Variants in TSHR observed in about 807,000 individuals in gnomAD.
The protein encoded by TSHR is thyroid stimulating hormone receptor, also known as thyrotropin receptor.
A neutral mutation model predicts 64.1 loss-of-function variants in TSHR; 51 were observed. That is an observed-to-expected ratio of 0.80 (90% CI 0.64 to 1.01). TSHR has a LOEUF of 1.01. Ranked by LOEUF, TSHR falls within the 50% of genes least tolerant of loss-of-function variation. The pLI, the probability that TSHR is intolerant of heterozygous loss-of-function variation, is 0.00. For missense variants in TSHR, 877 were observed against 942.8 expected (o/e 0.93, Z 0.91); for synonymous variants, 361 against 361.9 (o/e 1.00, Z 0.03).
At chr14:81,009,092 T>C (rs532555719) in intron 1 of TSHR, among the ~76,000 whole-genome samples, 2 of 152,360 alleles carry the variant, frequency 1.3e-5, no homozygotes, top group South Asian at 4.1e-4. Context: ...CAGCTAATAA[T>C]CGCTTCAGTA....
intron 1 of TSHR, among the ~76,000 whole-genome samples, chr14:81,038,005 C>T (rs1052189719): frequency 6.6e-6 from 1 of 151,332 alleles, no homozygotes; most frequent in Admixed American, 6.6e-5. Context: ...CAGAACATTT[C>T]ACCCACCAGC....
At chr14:81,063,858 T>C (rs17546166) in intron 2 of TSHR, among the ~76,000 whole-genome samples, 8,554 of 151,136 alleles carry the variant, frequency 0.057, 317 homozygotes, top group Middle Eastern at 0.11. Context: ...GAAGACTTCC[T>C]GAAAAAAAAA....
chr14:81,114,593 A>G (rs1890397941), intron 8 of TSHR, among the ~76,000 whole-genome samples: 1 of 152,118 alleles, frequency 6.6e-6, no homozygotes, highest in African/African-American at 2.4e-5. Context: ...GGCGGCAGCG[A>G]GGCTGGGGGA....
intron 1 of TSHR, chr14:80,982,325 C>G: frequency 8.5e-7 from 1 of 1,171,648 alleles, no homozygotes. Context: ...TGGGTCTGGG[C>G]TGAGGAAGAG....
At chr14:81,058,798 T>C (rs1833617767) in intron 1 of TSHR, among the ~76,000 whole-genome samples, 1 of 152,320 alleles carries the variant, frequency 6.6e-6, no homozygotes, top group Non-Finnish European at 1.5e-5. Flanking sequence ...AAATAAAATA[T>C]TTCTATAAAA....
At chr14:80,971,755 ACCTTGTAT>A (rs1472819856) in intron 1 of TSHR, among the ~76,000 whole-genome samples, 2 of 152,130 alleles carry the variant, frequency 1.3e-5, no homozygotes, top group African/African-American at 4.8e-5. Context: ...ATAAGCTCAA[ACCTTGTAT>A]CCAATGATCT....
intron 3 of TSHR, among the ~76,000 whole-genome samples, chr14:81,086,029 G>C (rs759492673): frequency 2.6e-5 from 4 of 152,188 alleles, no homozygotes; most frequent in African/African-American, 7.2e-5. Flanking sequence ...TGTATAAAGA[G>C]GATCTTTCCA....
intron 3 of TSHR, among the ~76,000 whole-genome samples, chr14:81,076,584 C>A (rs1887519649): frequency 2.0e-5 from 3 of 152,084 alleles, no homozygotes; most frequent in Non-Finnish European, 4.4e-5. Flanking sequence ...CTTCCTTCAT[C>A]CTGATGCAAA....
intron 1 of TSHR, among the ~76,000 whole-genome samples, chr14:80,979,962 C>T (rs8003402): frequency 0.15 from 22,973 of 152,082 alleles, 2,055 homozygotes; most frequent in East Asian, 0.43. Flanking sequence ...CTATTGGCTT[C>T]CATTGCTCTT....
At chr14:81,071,246 A>G (rs1380071942) in intron 3 of TSHR, among the ~76,000 whole-genome samples, 3 of 152,214 alleles carry the variant, frequency 2.0e-5, no homozygotes, top group African/African-American at 7.2e-5. Context: ...AACATTAGAA[A>G]TACTTAGAAG....
chr14:81,026,788 C>A (rs1884078926), intron 1 of TSHR, among the ~76,000 whole-genome samples: 2 of 152,136 alleles, frequency 1.3e-5, no homozygotes. Flanking sequence ...GTAATCCCAG[C>A]ACTTTGGAAG....
At chr14:81,139,470 T>C (rs1459447743) in intron 8 of TSHR, among the ~76,000 whole-genome samples, 15 of 152,230 alleles carry the variant, frequency 9.9e-5, no homozygotes. Flanking sequence ...TACTACTGGA[T>C]ACTGGAATTC....
intron 1 of TSHR, among the ~76,000 whole-genome samples, chr14:81,010,499 A>G (rs936197308): frequency 1.3e-5 from 2 of 151,686 alleles, no homozygotes; most frequent in South Asian, 4.2e-4. Context: ...TTTTTTAATG[A>G]GCTTTTTAAA....
chr14:81,038,741 AAT>A (rs1215629971), intron 1 of TSHR, among the ~76,000 whole-genome samples: 4 of 147,984 alleles, frequency 2.7e-5, no homozygotes, highest in Admixed American at 6.7e-5. Flanking sequence ...ATAAAAAATA[AAT>A]ATATATATAT....
At chr14:81,139,647 C>T (rs370965730) in intron 8 of TSHR, 32 bp from the exon 9 acceptor site, 108 of 1,612,624 alleles carry the variant, frequency 6.7e-5, no homozygotes, top group Non-Finnish European at 7.7e-5. Context: ...TGCTCACTGC[C>T]TCTCTGCATT....
At chr14:81,114,963 G>A (rs2140048841) in intron 8 of TSHR, among the ~76,000 whole-genome samples, 1 of 152,286 alleles carries the variant, frequency 6.6e-6, no homozygotes, top group South Asian at 2.1e-4. Context: ...ACCTGCAGCT[G>A]AGGGTCCTGT....
intron 1 of TSHR, chr14:81,001,730 A>C (rs1448381257): frequency 2.4e-6 from 1 of 417,388 alleles, no homozygotes; most frequent in Non-Finnish European, 4.7e-6. Context: ...TACAGGAAAC[A>C]CAACTATTTG....
chr14:80,971,189 G>C (rs1282633430), intron 1 of TSHR, among the ~76,000 whole-genome samples: 2 of 152,264 alleles, frequency 1.3e-5, no homozygotes, highest in Non-Finnish European at 2.9e-5. Flanking sequence ...CTGAATCTTT[G>C]TGGGATTTAT....
At chr14:80,968,192 ATACAGAACT>A (rs1887414612) in intron 1 of TSHR, among the ~76,000 whole-genome samples, 1 of 152,142 alleles carries the variant, frequency 6.6e-6, no homozygotes, top group African/African-American at 2.4e-5. Context: ...GTCAGAGCTC[ATACAGAACT>A]GGTAGCTGCA....
Sources: allele counts gnomAD v4.1 joint callset (sites outside exome capture counted in the v4.1 genomes callset), GRCh38; gene constraint gnomAD v4.1.1; transcripts MANE v1.5; gene names NCBI Gene and HGNC (gene_info 2026-07-23, HGNC 2026-07-21).